ELP2: variants seen among roughly 807,000 people sequenced by gnomAD.
ELP2 encodes elongator complex protein 2.
In ELP2, 90 loss-of-function variants were observed where a neutral mutation model predicts 119.2. That is an observed-to-expected ratio of 0.75 (90% CI 0.64 to 0.90). ELP2 has a LOEUF of 0.90. ELP2 is among the 40% of genes least tolerant of loss of function. The pLI is 0.00. For missense variants in ELP2, 921 were observed against 967.8 expected (o/e 0.95, Z 0.64); for synonymous variants, 339 against 331.0 (o/e 1.02, Z -0.26).
chr18:36,142,672 A>G (rs2090070068), intron 7 of ELP2, among the ~76,000 whole-genome samples, 154 bp from the exon 8 acceptor site: 1 of 152,220 alleles, frequency 6.6e-6, no homozygotes, highest in East Asian at 1.9e-4. Flanking sequence ...GTTATTAAAA[A>G]TGAATATAGA....
At chr18:36,136,466 C>T (rs760815534) in intron 3 of ELP2, 89 bp downstream of exon 3, 20 of 1,074,506 alleles carry the variant, frequency 1.9e-5, no homozygotes, top group African/African-American at 6.2e-5. Flanking sequence ...CCCAGGCTGA[C>T]GTGCAGTGGT....
chr18:36,167,648 A>G (rs1448365443), intron 19 of ELP2, among the ~76,000 whole-genome samples: 2 of 152,056 alleles, frequency 1.3e-5, no homozygotes, highest in South Asian at 2.1e-4. Flanking sequence ...TGGGTGGAGT[A>G]TGACTGACCC....
At chr18:36,139,528 T>G (rs2089949400) in intron 5 of ELP2, 11 of 1,535,746 alleles carry the variant, frequency 7.2e-6, no homozygotes, top group Non-Finnish European at 9.6e-6. Context: ...ACGCTTCCAT[T>G]CTGTGCAAGG....
At chr18:36,174,046 C>T (rs1322016343) in intron 21 of ELP2, among the ~76,000 whole-genome samples, 1 of 152,092 alleles carries the variant, frequency 6.6e-6, no homozygotes, top group Non-Finnish European at 1.5e-5. Flanking sequence ...AGTAAAAATG[C>T]AATTCCATCC....
At position 36,175,169 on chromosome 18, in the gene ELP2, C is replaced by T. The variant is rs1438907244; in HGVS notation, c.*528C>T. On this transcript the variant is annotated 3_prime_UTR_variant, in exon 22 of 22. Transcript: ENST00000358232. Reference sequence around the variant, plus strand: ...CCTGCAGACCTGCCTCTGTGTGTCCCAATTTAAGAACCTCTGTTCTTTCTT... The same window carrying T: ...CCTGCAGACCTGCCTCTGTGTGTCCTAATTTAAGAACCTCTGTTCTTTCTT... 1 of 152,726 alleles carries T rather than the reference C, an allele frequency of 6.5e-6. No individual in the cohort carries two copies. Among genetic ancestry groups the T allele is most frequent in the African/African-American group, 2.4e-5 (1 of 41,450 alleles). The allele number at this position is 152,726 out of a possible 1,614,324, so 9.5% of individuals were successfully genotyped here. A position where few individuals can be genotyped will look rare whatever the true frequency, so the allele number is the denominator to read the frequency against.
At chr18:36,145,077 C>G (rs1348704684) in intron 9 of ELP2, 43 bp downstream of exon 9, 1 of 1,453,000 alleles carries the variant, frequency 6.9e-7, no homozygotes, top group African/African-American at 1.4e-5. Flanking sequence ...CCAGTTAAAT[C>G]TTATGGCACA....
At position 36,136,317 on chromosome 18, in the gene ELP2, T is replaced by TTCA; in HGVS notation, c.228_229insTCA (p.Thr76_Glu77insSer). 1 of 1,610,748 alleles carries TTCA rather than the reference T, an allele frequency of 6.2e-7. No homozygotes were observed. The highest frequency in any genetic ancestry group is 8.5e-7 in the Non-Finnish European group (1 of 1,176,916). On this transcript the variant is annotated inframe_insertion, in exon 3 of 22. Coordinates refer to ENST00000358232, the MANE Select transcript of ELP2 (RefSeq NM_018255.4). ...TATAATTTTTTTCAGCCCCTTCTAC[T>TTCA]GAATTAGTTTCTGGAGGATCTGATA... is the stretch of plus-strand genomic sequence containing the variant.
chr18:36,135,696 A>G (rs1026097232), intron 2 of ELP2, among the ~76,000 whole-genome samples: 1 of 152,206 alleles, frequency 6.6e-6, no homozygotes, highest in Non-Finnish European at 1.5e-5. Flanking sequence ...GCACCTGACT[A>G]CAATGTTTCA....
At chr18:36,145,797 G>A (rs1038360894) in intron 9 of ELP2, 151 bp from the exon 10 acceptor site, 3 of 731,704 alleles carry the variant, frequency 4.1e-6, no homozygotes, top group Non-Finnish European at 7.5e-6. Context: ...TCTTCTAATG[G>A]TAGACATTTG....
chr18:36,170,587 T>C (rs2091050405), intron 20 of ELP2, among the ~76,000 whole-genome samples: 1 of 152,196 alleles, frequency 6.6e-6, no homozygotes, highest in Non-Finnish European at 1.5e-5. Flanking sequence ...GTGCTGGGAT[T>C]ACAGGCGTAT....
At chr18:36,152,420 C>T (rs2090432823) in intron 11 of ELP2, among the ~76,000 whole-genome samples, 1 of 152,264 alleles carries the variant, frequency 6.6e-6, no homozygotes, top group South Asian at 2.1e-4. Context: ...ATTGATTCTG[C>T]AGGAGTACCA....
chr18:36,152,908 C>T (rs1470954074), intron 11 of ELP2, among the ~76,000 whole-genome samples: 1 of 152,256 alleles, frequency 6.6e-6, no homozygotes, highest in Non-Finnish European at 1.5e-5. Flanking sequence ...CTTAGCACTA[C>T]ACCCTTTGGT....
intron 5 of ELP2, among the ~76,000 whole-genome samples, chr18:36,140,513 A>G (rs912749583): frequency 6.6e-6 from 1 of 151,798 alleles, no homozygotes; most frequent in South Asian, 2.1e-4. Context: ...CGCCCAGATA[A>G]TTTTTGTATT....
chr18:36,155,264 T>TCC lies in ELP2; in HGVS notation c.1275+275_1275+276dup, dbSNP rs60227416. On this transcript the variant is annotated intron_variant, in intron 12 of 21. Coordinates refer to ENST00000358232, the MANE Select transcript of ELP2 (RefSeq NM_018255.4). Reference sequence around the variant, plus strand: ...CTGACCTCAGGTGATGCACCGCCCCTCCCCCCCCCCCGCCTCCCAAAGTGC... The same window carrying TCC: ...CTGACCTCAGGTGATGCACCGCCCCTCCCCCCCCCCCCCGCCTCCCAAAGTGC... 5.4e-3 allele frequency among the ~76,000 whole-genome samples: 544 copies of TCC among 100,076 alleles called. 6 individuals are homozygous for TCC. Among genetic ancestry groups the TCC allele is most frequent in the Non-Finnish European group, 6.1e-3 (315 of 51,470 alleles). The allele number at this position is 100,076 out of a possible 152,430, so 65.7% of individuals were successfully genotyped here.
chr18:36,135,187 A>C (rs369638342), intron 2 of ELP2, among the ~76,000 whole-genome samples: 10 of 152,354 alleles, frequency 6.6e-5, no homozygotes, highest in African/African-American at 2.4e-4. Context: ...CTTCCGTTTA[A>C]AAGTGAGGTT....
At chr18:36,162,810 C>T (rs2090779271) in intron 17 of ELP2, among the ~76,000 whole-genome samples, 1 of 152,158 alleles carries the variant, frequency 6.6e-6, no homozygotes, top group Admixed American at 6.6e-5. Flanking sequence ...TGATATTAAG[C>T]ATCTTTTCAT....
intron 5 of ELP2, chr18:36,139,570 G>A (rs2089951290): frequency 3.9e-6 from 6 of 1,535,308 alleles, no homozygotes; most frequent in Non-Finnish European, 5.2e-6. Context: ...ACACATTCTG[G>A]CATCATAACA....
chr18:36,160,810 G>A (rs2090714431), intron 16 of ELP2, 122 bp from the exon 17 acceptor site: 2 of 694,026 alleles, frequency 2.9e-6, no homozygotes, highest in East Asian at 2.7e-5. Context: ...AACATACAAT[G>A]TTCCTTAAAA....
In ELP2 at chr18:36,136,517, A is replaced by T. The variant is rs556916818; in HGVS notation, c.288+140A>T. ...CTCAGCCTCCTAAGTAGCTGGGACTACAGGTGCCTGACACCATGCCTGGCT... is the reference window on the plus strand; with the variant it reads ...CTCAGCCTCCTAAGTAGCTGGGACTTCAGGTGCCTGACACCATGCCTGGCT... On this transcript the variant is annotated intron_variant, in intron 3 of 21. Coordinates refer to ENST00000358232, the MANE Select transcript of ELP2 (RefSeq NM_018255.4). 43 of 737,060 alleles carry T rather than the reference A, an allele frequency of 5.8e-5. No individual in the cohort carries two copies. The South Asian group carries it at 6.2e-4, about 11-fold the overall frequency. The allele number at this position is 737,060 out of a possible 1,614,324, so 45.7% of individuals were successfully genotyped here. A position where few individuals can be genotyped will look rare whatever the true frequency, so the allele number is the denominator to read the frequency against.
Sources: allele counts gnomAD v4.1 joint callset (sites outside exome capture counted in the v4.1 genomes callset), GRCh38; gene constraint gnomAD v4.1.1; transcripts MANE v1.5; gene names NCBI Gene and HGNC (gene_info 2026-07-23, HGNC 2026-07-21).